BOC: variants seen among roughly 807,000 people sequenced by gnomAD.
BOC encodes the protein BOC cell adhesion associated, oncogene regulated.
A neutral mutation model predicts 112.0 loss-of-function variants in BOC; 76 were observed. The observed-to-expected ratio is 0.68, with a 90% confidence interval of 0.56 to 0.82. BOC has a LOEUF of 0.82. Ranked by LOEUF, BOC falls within the 40% of genes least tolerant of loss-of-function variation. The pLI is 0.00. For missense variants in BOC, 1,309 were observed against 1,511.7 expected, an observed-to-expected ratio of 0.87 and a Z score of 2.22; for synonymous variants, 580 against 599.8, an observed-to-expected ratio of 0.97 and a Z score of 0.48.
intron 2 of BOC, among the ~76,000 whole-genome samples, chr3:113,239,553 C>A (rs1032900659): frequency 1.3e-5 from 2 of 152,216 alleles, no homozygotes; most frequent in Non-Finnish European, 2.9e-5. Context: ...AGGCTCCTTC[C>A]ATGTCACATA....
At chr3:113,239,247 G>A (rs1165448441) in intron 2 of BOC, among the ~76,000 whole-genome samples, 1 of 151,962 alleles carries the variant, frequency 6.6e-6, no homozygotes, top group Non-Finnish European at 1.5e-5. Context: ...AATTACATAG[G>A]GGGTGGAATT....
chr3:113,249,757 C>A lies in BOC; in HGVS notation c.-46C>A, dbSNP rs1014478506. On this transcript the variant is annotated 5_prime_UTR_variant, in exon 3 of 20. Transcript: ENST00000682979. ...GGGACGGCAGTATCTCTTTGTGTGA[C>A]CCTGGCGGCTTATGGGACGTTGGCT... 12 of 1,522,978 alleles carry A rather than the reference C, an allele frequency of 7.9e-6. No homozygotes were observed. The highest frequency in any genetic ancestry group is 1.1e-5 in the Non-Finnish European group (12 of 1,111,786). 94.3% of individuals were successfully genotyped at this position (1,522,978 alleles called of 1,614,324 possible). A position where few individuals can be genotyped will look rare whatever the true frequency, so the allele number is the denominator to read the frequency against.
At chr3:113,212,134 C>A (rs1938257589) in intron 1 of BOC, 118 bp downstream of exon 1, 1 of 151,236 alleles carries the variant, frequency 6.6e-6, no homozygotes, top group South Asian at 2.1e-4. Context: ...CGAGTGGCTG[C>A]CGGGGGACGT....
intron 2 of BOC, among the ~76,000 whole-genome samples, chr3:113,240,817 C>T (rs761305853): frequency 3.9e-5 from 6 of 152,106 alleles, no homozygotes; most frequent in East Asian, 1.9e-4. Flanking sequence ...TGAGCACTGG[C>T]GGGGGAAGAT....
At chr3:113,267,866 A>C (rs905207947) in intron 4 of BOC, among the ~76,000 whole-genome samples, 1 of 152,086 alleles carries the variant, frequency 6.6e-6, no homozygotes. Flanking sequence ...GCTGTTCTCA[A>C]TCAACTTGGA....
chr3:113,249,842 C>T lies in BOC; in HGVS notation c.40C>T (p.Pro14Ser), dbSNP rs779844944. 6.2e-6 allele frequency: 10 copies of T among 1,613,532 alleles called. No individual in the cohort carries two copies. The highest frequency in any genetic ancestry group is 3.3e-5 in the Admixed American group (2 of 59,896). ...GATGACGGCGTGGAGAGGAATGAGGCCTGAGGTCACACTGGCTTGCCTCCT... is the reference window on the plus strand; with the variant it reads ...GATGACGGCGTGGAGAGGAATGAGGTCTGAGGTCACACTGGCTTGCCTCCT... ...GTMTAWRGMRPEVTLACLLLA... is the reference protein window; with the variant it reads ...GTMTAWRGMRSEVTLACLLLA... Residue 14 changes from proline (P) to serine (S), a missense_variant, in exon 3 of 20, where the codon CCT becomes TCT. By Grantham distance (74) the Pro-to-Ser change is moderately conservative (BLOSUM62 -1). Coordinates refer to ENST00000682979, the MANE Select transcript of BOC (RefSeq NM_001378074.1).
At chr3:113,279,130 A>G in intron 11 of BOC, 119 bp from the exon 12 acceptor site, 1 of 1,018,816 alleles carries the variant, frequency 9.8e-7, no homozygotes, top group Non-Finnish European at 1.5e-6. Flanking sequence ...GGCTGTGGGG[A>G]GGAGCGGGCC....
At position 113,231,412 on chromosome 3, in the gene BOC, C is replaced by T. The variant is rs550098599; in HGVS notation, c.-82+15138C>T. ...ACTTTTTTAAATTATAAAATGGGAT[C>T]ATGATGGTTTGCAAATTGCTTAAGG... On this transcript the variant is annotated intron_variant, in intron 2 of 19. Transcript: ENST00000682979. 3.3e-5 allele frequency among the ~76,000 whole-genome samples: 5 copies of T among 152,274 alleles called. No individual in the cohort carries two copies. In the South Asian group the frequency reaches 1.0e-3, roughly 32 times the overall value.
chr3:113,231,505 G>A (rs566420987), intron 2 of BOC, among the ~76,000 whole-genome samples: 2 of 152,142 alleles, frequency 1.3e-5, no homozygotes, highest in Non-Finnish European at 1.5e-5. Flanking sequence ...CATCACTAAT[G>A]GTACTGTGAG....
chr3:113,213,342 C>G (rs9834486), intron 1 of BOC, among the ~76,000 whole-genome samples: 1 of 152,138 alleles, frequency 6.6e-6, no homozygotes, highest in Non-Finnish European at 1.5e-5. Context: ...TCTTTGTTGT[C>G]CAGAACTCGG....
chr3:113,214,229 A>G (rs1938853158), intron 1 of BOC, among the ~76,000 whole-genome samples: 1 of 151,982 alleles, frequency 6.6e-6, no homozygotes, highest in Non-Finnish European at 1.5e-5. Context: ...GTTCCTTTCC[A>G]CCCTCCAAAT....
chr3:113,270,487 T>TC (rs754945581), intron 5 of BOC: 1 of 262,090 alleles, frequency 3.8e-6, no homozygotes, highest in African/African-American at 2.2e-5. Flanking sequence ...CTTTCTAGCC[T>TC]CCCTTAGCTC....
chr3:113,285,305 CA>C lies in BOC; in HGVS notation c.2967-66del, dbSNP rs1429892130. On this transcript the variant is annotated intron_variant, in intron 18 of 19. Coordinates refer to ENST00000682979, the MANE Select transcript of BOC (RefSeq NM_001378074.1). ...TGCCCTCAGACAGGGAGACAGCCAG[CA>C]GGGGGATGGGGCGACAGGCCCACCC... is the stretch of plus-strand genomic sequence containing the variant. 9.3e-6 allele frequency: 14 copies of C among 1,505,924 alleles called. No homozygotes were observed. In the Admixed American group the frequency reaches 1.2e-4, roughly 13 times the overall value. The allele number at this position is 1,505,924 out of a possible 1,614,324, so 93.3% of individuals were successfully genotyped here.
At chr3:113,217,624 A>G (rs1435862673) in intron 2 of BOC, among the ~76,000 whole-genome samples, 1 of 152,078 alleles carries the variant, frequency 6.6e-6, no homozygotes, top group Non-Finnish European at 1.5e-5. Context: ...AAAAGCAGAG[A>G]TGGGACCAAT....
chr3:113,247,757 C>T (rs1319795413), intron 2 of BOC, among the ~76,000 whole-genome samples: 5 of 152,186 alleles, frequency 3.3e-5, no homozygotes, highest in Non-Finnish European at 7.3e-5. Context: ...CCCAGCTTTC[C>T]ACCACCACAG....
chr3:113,264,071 T>C (rs982907748), intron 4 of BOC, among the ~76,000 whole-genome samples: 1 of 152,186 alleles, frequency 6.6e-6, no homozygotes, highest in Non-Finnish European at 1.5e-5. Context: ...AGGAAGGAAC[T>C]GGGCCGGGTT....
Position 113,278,075 on chromosome 3 carries a change from A to G in BOC, c.1543-20A>G. 6.2e-7 allele frequency: 1 copy of G among 1,613,896 alleles called. No individual in the cohort carries two copies. Among genetic ancestry groups the G allele is most frequent in the Non-Finnish European group, 8.5e-7 (1 of 1,179,798 alleles). ...GCCCGAGGCTGAGATGCCGGTCTTT[A>G]TACCAGCTACCTTCTCCAGCAGGTC... On this transcript the variant is annotated intron_variant, in intron 9 of 19. Transcript: ENST00000682979. The surrounding 1 kb of genome is among the most constrained non-coding windows in gnomAD (Gnocchi z 4.2).
chr3:113,236,129 A>C (rs867029110), intron 2 of BOC, among the ~76,000 whole-genome samples: 2 of 151,018 alleles, frequency 1.3e-5, no homozygotes, highest in African/African-American at 4.9e-5. Context: ...TTATAGCAGC[A>C]CTATATCACA....
chr3:113,257,802 A>T (rs1320893607), intron 4 of BOC, among the ~76,000 whole-genome samples: 1 of 152,240 alleles, frequency 6.6e-6, no homozygotes, highest in East Asian at 1.9e-4. Flanking sequence ...CTATTAAATA[A>T]GGCAAGACCA....
Sources: gnomAD v4.1 joint callset for allele counts (sites outside exome capture counted in the v4.1 genomes callset) on GRCh38, gnomAD v4.1.1 for gene constraint, Gnocchi (gnomAD v3.1) non-coding constraint, MANE v1.5 for transcripts, NCBI Gene and HGNC (gene_info 2026-07-23, HGNC 2026-07-21) for gene names.